GPC5: variants seen among roughly 807,000 people sequenced by gnomAD.
The protein encoded by GPC5 is glypican 5, also known as glypican-5.
A neutral mutation model predicts 53.9 loss-of-function variants in GPC5; 47 were observed. That is an observed-to-expected ratio of 0.87 (90% CI 0.69 to 1.11). GPC5 has a LOEUF of 1.11. GPC5 is among the 50% of genes most tolerant of loss of function. The pLI is 0.00. For missense variants in GPC5, 748 were observed against 713.1 expected (o/e 1.05, Z -0.56); for synonymous variants, 286 against 263.3 (o/e 1.09, Z -0.84).
chr13:92,679,007 G>A (rs963320481), intron 7 of GPC5, among the ~76,000 whole-genome samples: 27 of 152,218 alleles, frequency 1.8e-4, no homozygotes, highest in African/African-American at 6.3e-4. Flanking sequence ...GGAAAAGGTG[G>A]GGGGAAATGG....
chr13:92,380,363 G>A (rs1232305198), intron 7 of GPC5, among the ~76,000 whole-genome samples: 1 of 152,106 alleles, frequency 6.6e-6, no homozygotes, highest in East Asian at 1.9e-4. Flanking sequence ...TCATAGCTCT[G>A]CTCATGTAGA....
chr13:92,104,014 T>G lies in GPC5; in HGVS notation c.1402-40816T>G, dbSNP rs1208853198. Among the ~76,000 whole-genome samples the G allele has an allele frequency of 2.0e-5, 3 of 152,232 alleles. No individual in the cohort carries two copies. In the East Asian group the frequency reaches 5.8e-4, roughly 29 times the overall value. ...TTTATAGAGCTGAAATATTAAACCA[T>G]GATTACTGATTGTTTTTGGCAAATA... is the stretch of plus-strand genomic sequence containing the variant. On this transcript the variant is annotated intron_variant, in intron 6 of 7. Transcript: ENST00000377067.
chr13:92,323,119 TG>T (rs1245295370), intron 7 of GPC5, among the ~76,000 whole-genome samples: 1 of 151,290 alleles, frequency 6.6e-6, no homozygotes, highest in Non-Finnish European at 1.5e-5. Context: ...AGTGGTATAA[TG>T]AAAAAAAATA....
intron 6 of GPC5, among the ~76,000 whole-genome samples, chr13:91,957,880 G>A (rs1040054170): frequency 1.3e-5 from 2 of 151,148 alleles, no homozygotes; most frequent in Admixed American, 1.3e-4. Flanking sequence ...CAAACATTAC[G>A]AAAAAAGGAA....
intron 2 of GPC5, among the ~76,000 whole-genome samples, chr13:91,498,485 A>T (rs73602368): frequency 0.024 from 3,677 of 152,180 alleles, 152 homozygotes; most frequent in African/African-American, 0.083. Context: ...GGGAAGGGGA[A>T]GGACTTCACC....
rs1200693219 is a variant in GPC5 at position 92,355,766 on chromosome 13, C to T, written c.1561+210777C>T. Reference sequence around the variant, plus strand: ...GTCATTACCAATAAGACCCATACCCCAAATTTCAATTTCAAGCACCCGCTC... The same window carrying T: ...GTCATTACCAATAAGACCCATACCCTAAATTTCAATTTCAAGCACCCGCTC... On this transcript the variant is annotated intron_variant, in intron 7 of 7. Coordinates refer to ENST00000377067, the MANE Select transcript of GPC5 (RefSeq NM_004466.6). 3.9e-5 allele frequency among the ~76,000 whole-genome samples: 6 copies of T among 152,180 alleles called. No individual in the cohort carries two copies. The East Asian group carries it at 5.8e-4, about 15-fold the overall frequency.
intron 6 of GPC5, among the ~76,000 whole-genome samples, chr13:92,044,681 C>T (rs1333062407): frequency 1.3e-5 from 2 of 152,174 alleles, no homozygotes; most frequent in Non-Finnish European, 2.9e-5. Flanking sequence ...GAGAGTATTA[C>T]ACCTTATCAA....
chr13:92,329,264 TG>T (rs1353865642), intron 7 of GPC5, among the ~76,000 whole-genome samples: 1 of 152,128 alleles, frequency 6.6e-6, no homozygotes, highest in Admixed American at 6.6e-5. Flanking sequence ...GTTCAGCTCC[TG>T]GGGAGGCTTC....
At chr13:92,034,129 C>G (rs560160520) in intron 6 of GPC5, among the ~76,000 whole-genome samples, 23 of 152,124 alleles carry the variant, frequency 1.5e-4, no homozygotes, top group Non-Finnish European at 2.2e-4. Flanking sequence ...CATACATATA[C>G]TATAACCTCA....
At chr13:92,850,114 C>G (rs531977126) in intron 7 of GPC5, among the ~76,000 whole-genome samples, 1 of 152,242 alleles carries the variant, frequency 6.6e-6, no homozygotes, top group Admixed American at 6.5e-5. Context: ...AAATATACAA[C>G]CTTTTTTTTA....
At chr13:92,337,723 A>G (rs1471359723) in intron 7 of GPC5, among the ~76,000 whole-genome samples, 1 of 152,194 alleles carries the variant, frequency 6.6e-6, no homozygotes, top group Non-Finnish European at 1.5e-5. Context: ...TCTTTTCAAG[A>G]AATGATGCTG....
At chr13:92,467,299 C>T (rs1002159395) in intron 7 of GPC5, among the ~76,000 whole-genome samples, 22 of 152,132 alleles carry the variant, frequency 1.4e-4, no homozygotes, top group Middle Eastern at 3.4e-3. Context: ...AATTCATGTC[C>T]GTCTTAAGAA....
intron 6 of GPC5, among the ~76,000 whole-genome samples, chr13:92,076,960 A>AGTCTTGGTAT (rs1460565003): frequency 2.0e-5 from 3 of 152,296 alleles, no homozygotes; most frequent in Non-Finnish European, 4.4e-5. Context: ...CTTCAGAAGA[A>AGTCTTGGTAT]CCTTGGTATC....
chr13:92,422,645 C>T (rs1876630574), intron 7 of GPC5, among the ~76,000 whole-genome samples: 1 of 152,108 alleles, frequency 6.6e-6, no homozygotes, highest in South Asian at 2.1e-4. Context: ...CCATATTAGG[C>T]AAAGGTGGAT....
intron 3 of GPC5, among the ~76,000 whole-genome samples, chr13:91,722,953 G>A (rs1344524846): frequency 1.3e-5 from 2 of 152,120 alleles, no homozygotes; most frequent in Non-Finnish European, 2.9e-5. Context: ...GTGCTTTATG[G>A]AGTCTTAATA....
intron 7 of GPC5, among the ~76,000 whole-genome samples, chr13:92,703,768 G>A (rs1271918599): frequency 6.6e-6 from 1 of 151,712 alleles, no homozygotes; most frequent in Non-Finnish European, 1.5e-5. Context: ...AATCTAAAAT[G>A]TAGATTTTAA....
intron 7 of GPC5, among the ~76,000 whole-genome samples, chr13:92,217,786 T>C (rs1282047566): frequency 6.6e-6 from 1 of 152,156 alleles, no homozygotes; most frequent in Non-Finnish European, 1.5e-5. Flanking sequence ...GACTAGCTTC[T>C]GTTTCTGCAT....
At position 92,754,275 on chromosome 13, in the gene GPC5, A is replaced by T. The variant is rs145053546; in HGVS notation, c.1562-112007A>T. Among the ~76,000 whole-genome samples, 173 of 152,314 alleles carry T rather than the reference A, an allele frequency of 1.1e-3. 4 individuals carry two copies. The East Asian group carries it at 0.018, about 15-fold the overall frequency. On this transcript the variant is annotated intron_variant, in intron 7 of 7. Coordinates refer to ENST00000377067, the MANE Select transcript of GPC5 (RefSeq NM_004466.6). ...AATAAAATATTTTACAGACAAGCAAATGCTGAGAGATTTTCTCACCACCAG... is the reference window on the plus strand; with the variant it reads ...AATAAAATATTTTACAGACAAGCAATTGCTGAGAGATTTTCTCACCACCAG...
In GPC5 at chr13:92,596,191, A is replaced by T. The variant is rs111808564; in HGVS notation, c.1562-270091A>T. Among the ~76,000 whole-genome samples the T allele has an allele frequency of 6.5e-3, 995 of 152,256 alleles. 12 individuals carry two copies. The highest frequency in any genetic ancestry group is 0.022 in the African/African-American group (914 of 41,550). On this transcript the variant is annotated intron_variant, in intron 7 of 7. Coordinates refer to ENST00000377067, the MANE Select transcript of GPC5 (RefSeq NM_004466.6). ...ACATTTAACTAGTGGCAGTCCCCAA[A>T]CTAAAACTCCAGGCCTCTATTCTTT... is the stretch of plus-strand genomic sequence containing the variant.
Sources: allele counts gnomAD v4.1 joint callset (sites outside exome capture counted in the v4.1 genomes callset), GRCh38; gene constraint gnomAD v4.1.1; transcripts MANE v1.5; gene names NCBI Gene and HGNC (gene_info 2026-07-23, HGNC 2026-07-21).